NCKAP5: variants seen among roughly 807,000 people sequenced by gnomAD.
The protein encoded by NCKAP5 is nck-associated protein 5.
NCKAP5 carries 92 observed loss-of-function variants against 167.0 expected under a neutral mutation model. The ratio of observed to expected loss-of-function variants is 0.55; its 90% CI spans 0.47 to 0.66. NCKAP5 has a LOEUF of 0.66. Among genes scored for constraint, NCKAP5 ranks in the 30% least tolerant of loss-of-function variants. The pLI is 0.00. For synonymous variants in NCKAP5, 891 were observed against 877.4 expected (o/e 1.02, Z -0.27); for missense variants, 2,378 against 2,315.0 (o/e 1.03, Z -0.56).
rs1390884439 is a variant in NCKAP5 at position 133,467,894 on chromosome 2, T to C, written c.69+49564A>G. 1.0e-4 allele frequency among the ~76,000 whole-genome samples: 14 copies of C among 133,390 alleles called. 5 individuals are homozygous for C. The East Asian group carries it at 2.0e-3, about 19-fold the overall frequency. 87.5% of individuals were successfully genotyped at this position (133,390 alleles called of 152,430 possible). A position where few individuals can be genotyped will look rare whatever the true frequency, so the allele number is the denominator to read the frequency against. ...TTTTTTATTGTGTCTATTTGATTCTTCTCTCTTTTCTTCTTTATTAGTCTT... is the reference window on the plus strand; with the variant it reads ...TTTTTTATTGTGTCTATTTGATTCTCCTCTCTTTTCTTCTTTATTAGTCTT... On this transcript the variant is annotated intron_variant, in intron 3 of 19. Coordinates refer to ENST00000409261, the MANE Select transcript of NCKAP5 (RefSeq NM_207363.3).
chr2:133,082,254 A>G (rs1313538402), intron 6 of NCKAP5, among the ~76,000 whole-genome samples: 1 of 152,130 alleles, frequency 6.6e-6, no homozygotes, highest in Non-Finnish European at 1.5e-5. Flanking sequence ...TTTGATCTCA[A>G]TATAAAATGT....
At chr2:133,299,509 G>A (rs1295940923) in intron 4 of NCKAP5, among the ~76,000 whole-genome samples, 6 of 152,160 alleles carry the variant, frequency 3.9e-5, no homozygotes, top group Non-Finnish European at 5.9e-5. Context: ...CACTTTGGGA[G>A]TCCAAGGCGG....
chr2:133,146,869 A>C (rs1215377819), intron 5 of NCKAP5, among the ~76,000 whole-genome samples: 1 of 152,132 alleles, frequency 6.6e-6, no homozygotes, highest in African/African-American at 2.4e-5. Flanking sequence ...TCTCACCTTC[A>C]TGTTTATTAG....
intron 3 of NCKAP5, among the ~76,000 whole-genome samples, chr2:133,502,677 C>T (rs1682630672): frequency 6.6e-6 from 1 of 152,138 alleles, no homozygotes; most frequent in Admixed American, 6.5e-5. Context: ...TGCCTTCCAC[C>T]CCGGTGACTC....
At chr2:133,402,789 C>A (rs1024896501) in intron 3 of NCKAP5, among the ~76,000 whole-genome samples, 1 of 152,166 alleles carries the variant, frequency 6.6e-6, no homozygotes, top group Non-Finnish European at 1.5e-5. Context: ...GATGCCAGCA[C>A]CATGCTTCCT....
At chr2:133,317,033 G>A (rs952252681) in intron 3 of NCKAP5, among the ~76,000 whole-genome samples, 2 of 152,156 alleles carry the variant, frequency 1.3e-5, no homozygotes, top group African/African-American at 4.8e-5. Context: ...GAGACCATAG[G>A]CATTTATTTC....
intron 3 of NCKAP5, among the ~76,000 whole-genome samples, chr2:133,440,549 A>G (rs1403079899): frequency 1.3e-5 from 2 of 151,834 alleles, no homozygotes; most frequent in African/African-American, 4.8e-5. Context: ...TCTTTACTAA[A>G]AATACAAAAA....
intron 7 of NCKAP5, among the ~76,000 whole-genome samples, chr2:132,965,829 TAAA>T (rs2076643787): frequency 6.6e-6 from 1 of 151,478 alleles, no homozygotes; most frequent in Non-Finnish European, 1.5e-5. Context: ...TATCTAAACA[TAAA>T]AAAGGTACAG....
At chr2:133,330,944 T>C (rs144344982) in intron 3 of NCKAP5, among the ~76,000 whole-genome samples, 2 of 152,152 alleles carry the variant, frequency 1.3e-5, no homozygotes, top group Non-Finnish European at 2.9e-5. Flanking sequence ...TAAGCACATA[T>C]TAACTCATTT....
intron 2 of NCKAP5, among the ~76,000 whole-genome samples, chr2:133,537,917 C>T (rs1167996370): frequency 6.6e-6 from 1 of 152,136 alleles, no homozygotes; most frequent in East Asian, 1.9e-4. Context: ...ATCTTAGCTG[C>T]CCACATTTGC....
At chr2:132,875,958 G>T (rs1358846843) in intron 9 of NCKAP5, among the ~76,000 whole-genome samples, 2 of 152,146 alleles carry the variant, frequency 1.3e-5, no homozygotes, top group Non-Finnish European at 2.9e-5. Context: ...CTAGGAATGT[G>T]AGTCTGTTAC....
At chr2:133,117,103 A>T (rs919333078) in intron 6 of NCKAP5, 1 of 152,206 alleles carries the variant, frequency 6.6e-6, no homozygotes, top group Non-Finnish European at 1.5e-5. Flanking sequence ...TGTAAAGGAG[A>T]GAGGCTAAGA....
intron 2 of NCKAP5, chr2:133,556,893 A>G (rs761504817): frequency 1.3e-5 from 2 of 152,200 alleles, no homozygotes; most frequent in African/African-American, 2.4e-5. Flanking sequence ...TTATTCATAA[A>G]TTCTTCCAAT....
chr2:133,430,008 T>C (rs1690056180), intron 3 of NCKAP5, among the ~76,000 whole-genome samples: 3 of 152,174 alleles, frequency 2.0e-5, no homozygotes, highest in Admixed American at 2.0e-4. Flanking sequence ...TTTTTAATAA[T>C]AGCTATTTTG....
intron 11 of NCKAP5, among the ~76,000 whole-genome samples, chr2:132,837,114 G>A (rs1471775993): frequency 6.6e-6 from 1 of 152,084 alleles, no homozygotes; most frequent in African/African-American, 2.4e-5. Flanking sequence ...ATCAGACATC[G>A]TTCAGTTTGT....
intron 11 of NCKAP5, among the ~76,000 whole-genome samples, chr2:132,843,874 C>T (rs1222152161): frequency 1.3e-5 from 2 of 152,164 alleles, no homozygotes; most frequent in East Asian, 1.9e-4. Context: ...ATCCCTCACA[C>T]ATTTTGAGAA....
intron 5 of NCKAP5, among the ~76,000 whole-genome samples, chr2:133,207,748 C>T (rs1342293680): frequency 4.6e-5 from 7 of 152,082 alleles, no homozygotes; most frequent in Non-Finnish European, 2.9e-5. Context: ...AGCAGTACTG[C>T]TTTACAATGC....
At chr2:133,041,442 T>G (rs2079215491) in intron 6 of NCKAP5, among the ~76,000 whole-genome samples, 1 of 152,164 alleles carries the variant, frequency 6.6e-6, no homozygotes, top group African/African-American at 2.4e-5. Flanking sequence ...TTGCACGAAT[T>G]TTGAGAATAT....
the NCKAP5 span, among the ~76,000 whole-genome samples, chr2:133,656,175 G>A: frequency 6.6e-6 from 1 of 152,184 alleles, no homozygotes; most frequent in African/African-American, 2.4e-5. Flanking sequence ...ACAGACCTGA[G>A]TTCAGCTCCT....
Sources: gnomAD v4.1 joint callset for allele counts (sites outside exome capture counted in the v4.1 genomes callset) on GRCh38, gnomAD v4.1.1 for gene constraint, MANE v1.5 for transcripts, NCBI Gene and HGNC (gene_info 2026-07-23, HGNC 2026-07-21) for gene names.